The following KCNMB2 variants were observed in gnomAD, a reference collection of about 807,000 sequenced individuals.
KCNMB2 encodes the protein potassium calcium-activated channel subfamily M regulatory beta subunit 2.
A neutral mutation model predicts 24.5 loss-of-function variants in KCNMB2; 9 were observed. The observed-to-expected ratio is 0.37, with a 90% CI of 0.22 to 0.64. KCNMB2 has a LOEUF of 0.64. Among genes scored for constraint, KCNMB2 ranks in the 30% least tolerant of loss-of-function variants. The pLI is 0.63. For missense variants in KCNMB2, 226 were observed against 284.3 expected, an observed-to-expected ratio of 0.79 and a Z score of 1.47; for synonymous variants, 109 against 104.4, an observed-to-expected ratio of 1.04 and a Z score of -0.27.
intron 1 of KCNMB2, among the ~76,000 whole-genome samples, chr3:178,704,174 T>G (rs1417171793): frequency 6.6e-6 from 1 of 152,108 alleles, no homozygotes; most frequent in Non-Finnish European, 1.5e-5. Context: ...TTGTAAAAAT[T>G]GACATGCCCT....
At chr3:178,602,148 T>C (rs1354645020) in intron 1 of KCNMB2, among the ~76,000 whole-genome samples, 2 of 152,188 alleles carry the variant, frequency 1.3e-5, no homozygotes, top group African/African-American at 4.8e-5. Context: ...ACCTGGAATA[T>C]AGGGGAAAGT....
chr3:178,663,934 T>C lies in KCNMB2; in HGVS notation c.-68+127223T>C, dbSNP rs190178140. On this transcript the variant is annotated intron_variant, in intron 1 of 4. Transcript: ENST00000452583. Reference sequence around the variant, plus strand: ...TAATCTAGAGACTGTGGCACAAGTTTGAAAGAGTTATGGCAATGAAACATA... The same window carrying C: ...TAATCTAGAGACTGTGGCACAAGTTCGAAAGAGTTATGGCAATGAAACATA... Among the ~76,000 whole-genome samples, 4 of 152,176 alleles carry C rather than the reference T, an allele frequency of 2.6e-5. No individual in the cohort carries two copies. In the East Asian group the frequency reaches 7.7e-4, roughly 29 times the overall value.
At chr3:178,716,552 T>C (rs948531258) in intron 1 of KCNMB2, among the ~76,000 whole-genome samples, 26 of 151,956 alleles carry the variant, frequency 1.7e-4, no homozygotes, top group Admixed American at 1.2e-3. Flanking sequence ...CAAGCGATTG[T>C]CCTGCCTCAG....
intron 1 of KCNMB2, among the ~76,000 whole-genome samples, chr3:178,803,564 T>C (rs899606753): frequency 2.0e-5 from 3 of 152,218 alleles, no homozygotes; most frequent in Non-Finnish European, 4.4e-5. Flanking sequence ...TGTTACTATG[T>C]GTCCTGGATT....
rs1289407339 is a variant in KCNMB2, at chr3:178,825,611, A to T, written c.80A>T (p.Asp27Val). The T allele has an allele frequency of 8.7e-6, 14 of 1,613,674 alleles. No individual in the cohort carries two copies. The highest frequency in any genetic ancestry group is 1.3e-5 in the African/African-American group (1 of 75,026). ...AGAAATATTTACCAGAAAATCAGGG[A>T]CCATGACCTCCTGGACAAAAGGAAA... is the stretch of plus-strand genomic sequence containing the variant. ...EKRNIYQKIR[D>V]HDLLDKRKTV... The change falls in exon 3 of 5, where the codon GAC becomes GTC. Residue 27 changes from aspartate (D) to valine (V), a missense_variant. Coordinates refer to ENST00000452583, the MANE Select transcript of KCNMB2 (RefSeq NM_181361.3).
chr3:178,554,440 G>A (rs769250454), intron 1 of KCNMB2, among the ~76,000 whole-genome samples: 5 of 152,152 alleles, frequency 3.3e-5, no homozygotes, highest in Non-Finnish European at 7.4e-5. Context: ...TCAAATCACA[G>A]TGATATTTAG....
intron 1 of KCNMB2, among the ~76,000 whole-genome samples, chr3:178,791,967 G>A (rs986414090): frequency 2.6e-5 from 4 of 151,864 alleles, no homozygotes; most frequent in Non-Finnish European, 5.9e-5. Context: ...TCATCAATAC[G>A]AGACCTGTCC....
Position 178,695,712 on chromosome 3 carries a change from G to A in KCNMB2, c.-67-111631G>A, listed in dbSNP as rs1194037672. On this transcript the variant is annotated intron_variant, in intron 1 of 4. Coordinates refer to ENST00000452583, the MANE Select transcript of KCNMB2 (RefSeq NM_181361.3). ...CAGCCTGGATTTCATTGTCTATATT[G>A]TTGTCAGCATTTTGGTCAAAGCCAT... 2.0e-5 allele frequency among the ~76,000 whole-genome samples: 3 copies of A among 151,912 alleles called. No individual in the cohort carries two copies. In the East Asian group the frequency reaches 5.8e-4, roughly 29 times the overall value.
At chr3:178,786,867 G>A (rs1329528761) in intron 1 of KCNMB2, among the ~76,000 whole-genome samples, 3 of 151,210 alleles carry the variant, frequency 2.0e-5, no homozygotes, top group Admixed American at 6.6e-5. Context: ...TAAACAAAAT[G>A]TAAAATATAA....
chr3:178,749,354 T>C (rs998011222), intron 1 of KCNMB2: 1 of 152,232 alleles, frequency 6.6e-6, no homozygotes, highest in Non-Finnish European at 1.5e-5. Flanking sequence ...GATAATCTTA[T>C]CTCATTTCAA....
At chr3:178,721,735 A>G (rs1722813834) in intron 1 of KCNMB2, among the ~76,000 whole-genome samples, 1 of 152,178 alleles carries the variant, frequency 6.6e-6, no homozygotes. Context: ...TCAAACACCA[A>G]GTATTAATTG....
intron 1 of KCNMB2, among the ~76,000 whole-genome samples, chr3:178,774,144 C>T (rs1019215233): frequency 6.6e-6 from 1 of 152,118 alleles, no homozygotes; most frequent in Admixed American, 6.6e-5. Flanking sequence ...CGAACATGGG[C>T]TCCACCTTTA....
At chr3:178,608,445 G>A (rs909170801) in intron 1 of KCNMB2, among the ~76,000 whole-genome samples, 2 of 152,088 alleles carry the variant, frequency 1.3e-5, no homozygotes, top group Non-Finnish European at 2.9e-5. Flanking sequence ...TACATGAGAT[G>A]TTTTGATAGA....
chr3:178,660,062 C>T (rs1720471485), intron 1 of KCNMB2, among the ~76,000 whole-genome samples: 1 of 152,138 alleles, frequency 6.6e-6, no homozygotes, highest in South Asian at 2.1e-4. Flanking sequence ...TTCTATCCTG[C>T]AGCATGAGAG....
chr3:178,811,174 A>T (rs924271111), intron 2 of KCNMB2, among the ~76,000 whole-genome samples: 3 of 152,278 alleles, frequency 2.0e-5, no homozygotes, highest in African/African-American at 4.8e-5. Flanking sequence ...TTGTTTTTTT[A>T]AATATTGAAG....
At chr3:178,634,193 G>C (rs766002913) in intron 1 of KCNMB2, among the ~76,000 whole-genome samples, 3 of 152,104 alleles carry the variant, frequency 2.0e-5, no homozygotes, top group Admixed American at 6.5e-5. Flanking sequence ...CCCTTCAAAT[G>C]GTTCCCACCT....
chr3:178,708,320 T>G (rs184782447), intron 1 of KCNMB2, among the ~76,000 whole-genome samples: 7 of 152,082 alleles, frequency 4.6e-5, no homozygotes, highest in Non-Finnish European at 1.0e-4. Context: ...GTAATAATGA[T>G]AATGGTGATG....
intron 1 of KCNMB2, among the ~76,000 whole-genome samples, chr3:178,681,158 G>A (rs746790069): frequency 2.6e-5 from 4 of 152,172 alleles, no homozygotes; most frequent in Non-Finnish European, 4.4e-5. Flanking sequence ...GGGAGTCAGA[G>A]GCCAGAACAC....
intron 1 of KCNMB2, among the ~76,000 whole-genome samples, chr3:178,624,953 C>G (rs1018349986): frequency 1.3e-5 from 2 of 151,796 alleles, no homozygotes; most frequent in Non-Finnish European, 2.9e-5. Context: ...CAGCTTAGCG[C>G]AGGGCAGGGG....
Sources: allele counts gnomAD v4.1 joint callset (sites outside exome capture counted in the v4.1 genomes callset), GRCh38; gene constraint gnomAD v4.1.1; transcripts MANE v1.5; gene names NCBI Gene and HGNC (gene_info 2026-07-23, HGNC 2026-07-21).